BNC2: variants seen among roughly 807,000 people sequenced by gnomAD.
BNC2 encodes the protein zinc finger protein basonuclin-2.
A neutral mutation model predicts 76.3 loss-of-function variants in BNC2; 20 were observed. That is an observed-to-expected ratio of 0.26 (90% CI 0.18 to 0.38). The LOEUF (loss-of-function observed/expected upper bound fraction) is 0.38, where lower values mean the gene tolerates loss of function less well. BNC2 is among the 10% of genes least tolerant of loss of function. The pLI is 1.00. For missense variants in BNC2, 1,382 were observed against 1,399.8 expected, an observed-to-expected ratio of 0.99 and a Z score of 0.20; for synonymous variants, 582 against 514.8, an observed-to-expected ratio of 1.13 and a Z score of -1.77.
intron 5 of BNC2, among the ~76,000 whole-genome samples, chr9:16,520,201 T>A (rs1244276269): frequency 6.6e-6 from 1 of 152,064 alleles, no homozygotes; most frequent in Non-Finnish European, 1.5e-5. Context: ...AGTAAAACAA[T>A]CATCTCACAC....
intron 1 of BNC2, among the ~76,000 whole-genome samples, chr9:16,821,876 G>A (rs749083137): frequency 1.3e-4 from 20 of 152,002 alleles, no homozygotes; most frequent in African/African-American, 3.6e-4. Context: ...GACGGATCAC[G>A]AGGTCAGGAG....
Position 16,741,244 on chromosome 9 carries a change from A to G in BNC2, c.4-2759T>C, listed in dbSNP as rs190050993. ...CGAGGTGGGCGGATCACCTGAGGTC[A>G]GGAGTTCGAGACCAGCCTGACCAAC... On this transcript the variant is annotated intron_variant, in intron 1 of 6. Coordinates refer to ENST00000380672, the MANE Select transcript of BNC2 (RefSeq NM_017637.6). 4.2e-3 allele frequency among the ~76,000 whole-genome samples: 636 copies of G among 152,276 alleles called. 4 individuals are homozygous for G. Among genetic ancestry groups the G allele is most frequent in the Non-Finnish European group, 6.3e-3 (430 of 68,020 alleles).
chr9:16,696,330 C>A (rs369035629), intron 3 of BNC2, among the ~76,000 whole-genome samples: 1 of 152,166 alleles, frequency 6.6e-6, no homozygotes, highest in Non-Finnish European at 1.5e-5. Context: ...TTGATAGACA[C>A]TCTAATTAGA....
chr9:16,751,690 G>A (rs13290507), intron 1 of BNC2, among the ~76,000 whole-genome samples: 48,768 of 86,234 alleles, frequency 0.57, 10,996 homozygotes, highest in East Asian at 0.89. Flanking sequence ...ATATGTATGT[G>A]TGTATATATA....
At chr9:16,767,984 T>A (rs1198959377) in intron 1 of BNC2, among the ~76,000 whole-genome samples, 1 of 151,058 alleles carries the variant, frequency 6.6e-6, no homozygotes, top group Non-Finnish European at 1.5e-5. Context: ...TTTTTTTTTT[T>A]AGATGAAGTT....
intron 1 of BNC2, among the ~76,000 whole-genome samples, chr9:16,834,195 T>C (rs1039556966): frequency 2.1e-5 from 1 of 48,364 alleles, no homozygotes; most frequent in African/African-American, 8.0e-5. Flanking sequence ...CACTGGCCAG[T>C]CAAAAAAAAA....
chr9:16,844,706 C>T (rs1304304997), intron 1 of BNC2, among the ~76,000 whole-genome samples: 2 of 152,032 alleles, frequency 1.3e-5, no homozygotes, highest in African/African-American at 2.4e-5. Context: ...ACCATGTTGG[C>T]CAGGCTGGTC....
intron 1 of BNC2, among the ~76,000 whole-genome samples, chr9:16,825,031 T>A (rs1046824760): frequency 2.5e-5 from 3 of 122,284 alleles, no homozygotes; most frequent in Non-Finnish European, 5.2e-5. Context: ...ATCACATCTT[T>A]TTTCTTACCC....
rs185011775 is a variant in BNC2, at chr9:16,532,586, T to C, written c.669+19944A>G. On this transcript the variant is annotated intron_variant, in intron 5 of 6. Transcript: ENST00000380672. ...GCTAAACATTCGGAAATTTTGGGAG[T>C]TGGTGGTTCAAACAGACGACATTAA... Among the ~76,000 whole-genome samples, 21 of 152,164 alleles carry C rather than the reference T, an allele frequency of 1.4e-4. 1 individual carries two copies. The South Asian group carries it at 2.5e-3, about 18-fold the overall frequency.
chr9:16,702,492 A>T (rs1290837323), intron 3 of BNC2, among the ~76,000 whole-genome samples: 5 of 151,588 alleles, frequency 3.3e-5, no homozygotes, highest in Non-Finnish European at 2.9e-5. Context: ...AATTTTGCAG[A>T]GTGGTAAAAA....
At chr9:16,725,749 TA>T (rs1824297806) in intron 3 of BNC2, among the ~76,000 whole-genome samples, 1 of 152,198 alleles carries the variant, frequency 6.6e-6, no homozygotes, top group East Asian at 1.9e-4. Flanking sequence ...AAAGACATCA[TA>T]AATTGTCCTA....
intron 4 of BNC2, among the ~76,000 whole-genome samples, chr9:16,576,789 GTGCAATGGCACAATCTCGGC>G (rs1819497701): frequency 6.6e-6 from 1 of 152,202 alleles, no homozygotes; most frequent in African/African-American, 2.4e-5. Flanking sequence ...CCATGCTGGA[GTGCAATGGCACAATCTCGGC>G]TCACTGCAAC....
intron 3 of BNC2, among the ~76,000 whole-genome samples, chr9:16,622,343 T>G (rs1016878240): frequency 1.2e-4 from 18 of 152,296 alleles, no homozygotes; most frequent in African/African-American, 4.3e-4. Flanking sequence ...ACTAAAATTT[T>G]TCAGGATTTG....
At chr9:16,718,224 A>C (rs1824046909) in intron 3 of BNC2, among the ~76,000 whole-genome samples, 1 of 152,242 alleles carries the variant, frequency 6.6e-6, no homozygotes, top group Non-Finnish European at 1.5e-5. Context: ...CAAGGCCCTT[A>C]TTCCCATAAC....
chr9:16,779,840 G>C (rs61562818), intron 1 of BNC2, among the ~76,000 whole-genome samples: 2 of 152,072 alleles, frequency 1.3e-5, no homozygotes, highest in Non-Finnish European at 2.9e-5. Context: ...GCAGTGTTGT[G>C]GGGGGGCCAG....
intron 1 of BNC2, among the ~76,000 whole-genome samples, chr9:16,782,620 G>C (rs916536022): frequency 2.6e-5 from 4 of 152,132 alleles, no homozygotes; most frequent in African/African-American, 9.7e-5. Flanking sequence ...AAGAGGCAGA[G>C]GTGTCACTTC....
At chr9:16,539,750 G>A (rs13286260) in intron 5 of BNC2, among the ~76,000 whole-genome samples, 2,423 of 84,772 alleles carry the variant, frequency 0.029, 223 homozygotes, top group African/African-American at 0.074. Flanking sequence ...GAAGGGAAGG[G>A]AAGGAAAGGA....
At chr9:16,654,877 G>A (rs983650830) in intron 3 of BNC2, among the ~76,000 whole-genome samples, 8 of 152,234 alleles carry the variant, frequency 5.3e-5, no homozygotes, top group African/African-American at 1.9e-4. Flanking sequence ...GTTCCATCAT[G>A]GAGGTCTTGC....
At chr9:16,626,294 T>C (rs1454432257) in intron 3 of BNC2, 1 of 152,158 alleles carries the variant, frequency 6.6e-6, no homozygotes, top group East Asian at 1.9e-4. Flanking sequence ...AATCATGACA[T>C]TGCTGAATGA....
Sources: gnomAD v4.1 joint callset for allele counts (sites outside exome capture counted in the v4.1 genomes callset) on GRCh38, gnomAD v4.1.1 for gene constraint, MANE v1.5 for transcripts, NCBI Gene and HGNC (gene_info 2026-07-23, HGNC 2026-07-21) for gene names.